Variants in COL22A1 observed in about 807,000 individuals in gnomAD.
COL22A1 encodes collagen alpha-1(XXII) chain.
Under a neutral mutation model 248.9 loss-of-function variants are expected in COL22A1, and 221 were observed. That is an observed-to-expected ratio of 0.89 (90% CI 0.80 to 0.99). The LOEUF (loss-of-function observed/expected upper bound fraction) is 0.99, where lower values mean the gene tolerates loss of function less well. Among genes scored for constraint, COL22A1 ranks in the 50% least tolerant of loss-of-function variants. The pLI is 0.00. For synonymous variants in COL22A1, 891 were observed against 793.4 expected (o/e 1.12, Z -2.07); for missense variants, 2,240 against 2,179.0 (o/e 1.03, Z -0.56).
intron 56 of COL22A1, among the ~76,000 whole-genome samples, chr8:138,612,719 G>A (rs1251122140): frequency 6.6e-6 from 1 of 151,918 alleles, no homozygotes; most frequent in Non-Finnish European, 1.5e-5. Context: ...TTGAGGTCAG[G>A]AGTTCGAAAC....
intron 39 of COL22A1, among the ~76,000 whole-genome samples, chr8:138,683,310 T>C (rs192699537): frequency 2.7e-4 from 41 of 152,302 alleles, no homozygotes; most frequent in African/African-American, 8.7e-4. Flanking sequence ...TGATTGGTAA[T>C]TGATGCGTAA....
chr8:138,657,451 A>G (rs1206282927), intron 44 of COL22A1, among the ~76,000 whole-genome samples: 1 of 152,246 alleles, frequency 6.6e-6, no homozygotes, highest in Non-Finnish European at 1.5e-5. Context: ...AGTCAGTTAT[A>G]TCAGACACAA....
At chr8:138,780,187 T>C (rs1264111631) in intron 13 of COL22A1, among the ~76,000 whole-genome samples, 1 of 152,160 alleles carries the variant, frequency 6.6e-6, no homozygotes, top group African/African-American at 2.4e-5. Flanking sequence ...GGAAAGGATG[T>C]TGGCCACCTA....
At chr8:138,867,608 C>A (rs777815486) in intron 3 of COL22A1, among the ~76,000 whole-genome samples, 45 of 152,140 alleles carry the variant, frequency 3.0e-4, no homozygotes, top group Admixed American at 7.2e-4. Context: ...TCCACTCTAG[C>A]CCCGCTGACA....
chr8:138,887,229 G>GC (rs1824735823), intron 1 of COL22A1, among the ~76,000 whole-genome samples: 1 of 139,854 alleles, frequency 7.2e-6, no homozygotes, highest in Admixed American at 7.2e-5. Context: ...GTCTCTCATT[G>GC]TTTTTTTTTT....
At chr8:138,631,096 C>T (rs1385907333) in intron 49 of COL22A1, among the ~76,000 whole-genome samples, 1 of 152,168 alleles carries the variant, frequency 6.6e-6, no homozygotes, top group Non-Finnish European at 1.5e-5. Context: ...ATGGGAAGTT[C>T]CCTGCGGTCT....
At position 138,589,069 on chromosome 8, in the gene COL22A1, G is replaced by C. The variant is rs190592589; in HGVS notation, c.*184C>G. ...AATATTAATAATAATCTGACCGACC[G>C]GCAGCGTCTGTTGGATTTAATAATT... On this transcript the variant is annotated 3_prime_UTR_variant, in exon 65 of 65. Coordinates refer to ENST00000303045, the MANE Select transcript of COL22A1 (RefSeq NM_152888.3). 1 of 586,428 alleles carries C rather than the reference G, an allele frequency of 1.7e-6. No individual in the cohort carries two copies. The highest frequency in any genetic ancestry group is 2.0e-5 in the African/African-American group (1 of 50,436). 36.3% of individuals were successfully genotyped at this position (586,428 alleles called of 1,614,324 possible). A position where few individuals can be genotyped will look rare whatever the true frequency, so the allele number is the denominator to read the frequency against.
chr8:138,767,416 G>A (rs1037265666), intron 16 of COL22A1, among the ~76,000 whole-genome samples: 3 of 152,124 alleles, frequency 2.0e-5, no homozygotes, highest in South Asian at 2.1e-4. Flanking sequence ...CTCTGTTGAC[G>A]GCCGGCTGCC....
At chr8:138,756,872 A>G (rs1833048310) in intron 18 of COL22A1, among the ~76,000 whole-genome samples, 1 of 152,144 alleles carries the variant, frequency 6.6e-6, no homozygotes, top group South Asian at 2.1e-4. Flanking sequence ...TTTTCACAGC[A>G]TCAAGTGTTT....
At chr8:138,724,808 C>CGTTTCACAGCGGA in intron 24 of COL22A1, 140 bp from the exon 25 acceptor site, 1 of 744,510 alleles carries the variant, frequency 1.3e-6, no homozygotes, top group Non-Finnish European at 2.3e-6. Flanking sequence ...TGGTCATCCG[C>CGTTTCACAGCGGA]TGTGAAACGC....
At chr8:138,633,994 G>A (rs1173435863) in intron 49 of COL22A1, among the ~76,000 whole-genome samples, 1 of 152,140 alleles carries the variant, frequency 6.6e-6, no homozygotes, top group East Asian at 1.9e-4. Context: ...TAGGCTTTCT[G>A]GGAAACTGAA....
chr8:138,769,724 G>A (rs1327239192), intron 16 of COL22A1, among the ~76,000 whole-genome samples: 3 of 152,300 alleles, frequency 2.0e-5, no homozygotes, highest in African/African-American at 7.2e-5. Flanking sequence ...CACACAGCGG[G>A]TACCCAGTAA....
At chr8:138,773,729 G>A (rs1372475104) in intron 16 of COL22A1, among the ~76,000 whole-genome samples, 1 of 152,190 alleles carries the variant, frequency 6.6e-6, no homozygotes, top group Non-Finnish European at 1.5e-5. Context: ...AAGACGGGAT[G>A]CCTGGAAGCC....
At chr8:138,738,481 C>A (rs1831297649) in intron 22 of COL22A1, among the ~76,000 whole-genome samples, 1 of 151,964 alleles carries the variant, frequency 6.6e-6, no homozygotes. Context: ...TAAAATAAGA[C>A]CTTGATAAGA....
chr8:138,718,438 C>A (rs567251830), intron 27 of COL22A1, among the ~76,000 whole-genome samples: 165 of 152,296 alleles, frequency 1.1e-3, no homozygotes, highest in African/African-American at 3.8e-3. Context: ...CATCTGAAGT[C>A]CTCCCTGAAT....
chr8:138,868,968 G>T (rs561361971), intron 3 of COL22A1, among the ~76,000 whole-genome samples: 1 of 152,258 alleles, frequency 6.6e-6, no homozygotes, highest in South Asian at 2.1e-4. Context: ...CTGACCTCAG[G>T]TGATCCACCT....
At chr8:138,675,331 G>A (rs10081530) in intron 41 of COL22A1, among the ~76,000 whole-genome samples, 149,486 of 152,286 alleles carry the variant, frequency 0.98, 73,425 homozygotes, top group East Asian at 1. Flanking sequence ...TGGGTAATAA[G>A]TTGGATTTTC....
intron 30 of COL22A1, among the ~76,000 whole-genome samples, chr8:138,710,603 C>G (rs36111388): frequency 2.9e-4 from 28 of 97,956 alleles, no homozygotes; most frequent in African/African-American, 9.7e-4. Flanking sequence ...ATCTATCTAT[C>G]TATCTATATA....
intron 36 of COL22A1, among the ~76,000 whole-genome samples, chr8:138,689,399 G>A (rs1004489331): frequency 5.9e-5 from 9 of 152,120 alleles, no homozygotes; most frequent in Admixed American, 6.5e-5. Context: ...AAGTGCAAGC[G>A]TCCCATGGAT....
Sources: gnomAD v4.1 joint callset for allele counts (sites outside exome capture counted in the v4.1 genomes callset) on GRCh38, gnomAD v4.1.1 for gene constraint, MANE v1.5 for transcripts, NCBI Gene and HGNC (gene_info 2026-07-23, HGNC 2026-07-21) for gene names.